Variants in DDAH1 observed in about 807,000 individuals in gnomAD.
The protein encoded by DDAH1 is N(G),N(G)-dimethylarginine dimethylaminohydrolase 1.
In DDAH1, 19 loss-of-function variants were observed where a neutral mutation model predicts 28.8. That is an observed-to-expected ratio of 0.66 (90% CI 0.46 to 0.97). The LOEUF (loss-of-function observed/expected upper bound fraction) is 0.97, where lower values mean the gene tolerates loss of function less well. DDAH1 is among the 50% of genes least tolerant of loss of function. DDAH1 has a pLI of 0.00. For missense variants in DDAH1, 326 were observed against 375.9 expected, an observed-to-expected ratio of 0.87 and a Z score of 1.10; for synonymous variants, 153 against 154.4, an observed-to-expected ratio of 0.99 and a Z score of 0.07.
chr1:85,438,099 C>T (rs1654023758), intron 1 of DDAH1, among the ~76,000 whole-genome samples: 1 of 152,198 alleles, frequency 6.6e-6, no homozygotes, highest in Non-Finnish European at 1.5e-5. Context: ...ATACCAGCAT[C>T]TTCTCACTTA....
At chr1:85,383,816 G>A (rs918965739) in intron 1 of DDAH1, among the ~76,000 whole-genome samples, 2 of 152,158 alleles carry the variant, frequency 1.3e-5, no homozygotes, top group African/African-American at 4.8e-5. Context: ...GTGATTGTCA[G>A]CATTTTTTAG....
intron 1 of DDAH1, among the ~76,000 whole-genome samples, chr1:85,362,105 GAATTAA>G (rs533257776): frequency 1.2e-4 from 18 of 152,120 alleles, no homozygotes; most frequent in African/African-American, 3.9e-4. Flanking sequence ...GCTTTCCTGT[GAATTAA>G]AATTATAGAT....
intron 1 of DDAH1, among the ~76,000 whole-genome samples, chr1:85,395,153 G>C (rs1441036120): frequency 6.6e-6 from 1 of 152,050 alleles, no homozygotes; most frequent in Admixed American, 6.6e-5. Flanking sequence ...AAAGGTTAAA[G>C]GCTTTTCACA....
chr1:85,447,150 T>C (rs1654473332), intron 1 of DDAH1, among the ~76,000 whole-genome samples: 1 of 152,188 alleles, frequency 6.6e-6, no homozygotes, highest in African/African-American at 2.4e-5. Context: ...CCTATTTATA[T>C]GCAAAAATAT....
intron 1 of DDAH1, among the ~76,000 whole-genome samples, chr1:85,549,198 T>C (rs1470709372): frequency 6.6e-6 from 1 of 152,232 alleles, no homozygotes; most frequent in Non-Finnish European, 1.5e-5. Flanking sequence ...TACAGACTGC[T>C]AAGTATTTTT....
intron 1 of DDAH1, among the ~76,000 whole-genome samples, chr1:85,448,925 G>C (rs1428933782): frequency 2.0e-5 from 3 of 152,208 alleles, no homozygotes; most frequent in Non-Finnish European, 4.4e-5. Context: ...CAGAAAAGTA[G>C]CATTTAATTG....
chr1:85,479,615 T>C (rs1655936273), intron 2 of DDAH1, among the ~76,000 whole-genome samples: 5 of 152,264 alleles, frequency 3.3e-5, no homozygotes. Context: ...AATCTGAAAG[T>C]AGAGTGGTTT....
Position 85,397,466 on chromosome 1 carries a change from G to C in DDAH1, c.304-38619C>G, listed in dbSNP as rs543169929. The stretch of plus-strand genomic sequence containing the variant: ...GAAAAACTGATAAGGAAAAAGTAAG[G>C]GTTTTTATTGCTTTTTTATTTAAAA... On this transcript the variant is annotated intron_variant, in intron 1 of 5. Transcript: ENST00000284031. 4.6e-5 allele frequency among the ~76,000 whole-genome samples: 7 copies of C among 152,032 alleles called. No individual in the cohort carries two copies. The South Asian group carries it at 1.5e-3, about 32-fold the overall frequency.
chr1:85,477,562 C>A (rs889525758), intron 2 of DDAH1, among the ~76,000 whole-genome samples: 1 of 152,042 alleles, frequency 6.6e-6, no homozygotes, highest in Non-Finnish European at 1.5e-5. Flanking sequence ...GATTAACTCA[C>A]ACCAAGATTA....
At chr1:85,478,477 T>C (rs1412619179) in intron 2 of DDAH1, among the ~76,000 whole-genome samples, 1 of 152,182 alleles carries the variant, frequency 6.6e-6, no homozygotes, top group Non-Finnish European at 1.5e-5. Context: ...AGTTATATCT[T>C]ACATGATGGC....
intron 1 of DDAH1, among the ~76,000 whole-genome samples, chr1:85,435,892 G>A (rs1653911816): frequency 6.6e-6 from 1 of 152,158 alleles, no homozygotes; most frequent in Non-Finnish European, 1.5e-5. Flanking sequence ...CTGGGTTCAA[G>A]CAATTCTCGT....
intron 4 of DDAH1, among the ~76,000 whole-genome samples, chr1:85,349,788 C>T (rs532843202): frequency 6.6e-6 from 1 of 152,194 alleles, no homozygotes; most frequent in Non-Finnish European, 1.5e-5. Context: ...AAAGGGAAAG[C>T]ACTGCATTGT....
Position 85,321,434 on chromosome 1 carries a change from C to G in DDAH1, c.*18G>C. On this transcript the variant is annotated 3_prime_UTR_variant, in exon 6 of 6. Transcript: ENST00000284031. ...TTGCCTGTGCGGTCTTGCCGGCTAC[C>G]GGGGGGGACTCTGCAGCTCAGGAGT... 1 of 1,570,238 alleles carries G rather than the reference C, an allele frequency of 6.4e-7. No individual in the cohort carries two copies. The highest frequency in any genetic ancestry group is 1.7e-4 in the Middle Eastern group (1 of 5,894).
At chr1:85,576,964 G>GCCGCCACCGCCACCGCCGCCGCCA (rs1553150159) in intron 1 of DDAH1, 1 of 153,662 alleles carries the variant, frequency 6.5e-6, no homozygotes, top group African/African-American at 2.4e-5. Flanking sequence ...AGCCGCCGCC[G>GCCGCCACCGCCACCGCCGCCGCCA]CCGCCACCGC....
Position 85,370,441 on chromosome 1 carries a change from A to G in DDAH1, c.304-11594T>C, listed in dbSNP as rs147464677. Reference sequence around the variant, plus strand: ...AGCTGAACTTGGTAAACTCACATAAAGAATTGGAATTTTAAGTATTATTGG... The same window carrying G: ...AGCTGAACTTGGTAAACTCACATAAGGAATTGGAATTTTAAGTATTATTGG... On this transcript the variant is annotated intron_variant, in intron 1 of 5. Coordinates refer to ENST00000284031, the MANE Select transcript of DDAH1 (RefSeq NM_012137.4). 1.4e-4 allele frequency among the ~76,000 whole-genome samples: 21 copies of G among 152,352 alleles called. No homozygotes were observed. The East Asian group carries it at 4.0e-3, about 29-fold the overall frequency.
chr1:85,523,735 T>G, intron 1 of DDAH1, among the ~76,000 whole-genome samples: 1 of 152,368 alleles, frequency 6.6e-6, no homozygotes, highest in Middle Eastern at 3.4e-3. Flanking sequence ...ATAATAATTT[T>G]ACTCCTCATG....
chr1:85,543,628 C>CAATG (rs1479023131), intron 1 of DDAH1, among the ~76,000 whole-genome samples: 1 of 152,146 alleles, frequency 6.6e-6, no homozygotes, highest in Non-Finnish European at 1.5e-5. Flanking sequence ...TAAAACTGGA[C>CAATG]AATGGCAGGC....
rs547400101 is a variant in DDAH1 at position 85,497,995 on chromosome 1, C to T, written c.-122-1714G>A. ...GCATCTCTCTGGGTGAACTAACCCCCTAGTGTCTTAAAACTTGCCTTCCAG... is the reference window on the plus strand; with the variant it reads ...GCATCTCTCTGGGTGAACTAACCCCTTAGTGTCTTAAAACTTGCCTTCCAG... On this transcript the variant is annotated intron_variant, in intron 1 of 6. Transcript: ENST00000426972. Among the ~76,000 whole-genome samples the T allele has an allele frequency of 5.8e-4, 88 of 152,264 alleles. 1 individual carries two copies. The highest frequency in any genetic ancestry group is 2.0e-3 in the African/African-American group (84 of 41,566).
intron 1 of DDAH1, among the ~76,000 whole-genome samples, chr1:85,501,176 G>C (rs936662263): frequency 2.2e-4 from 34 of 152,248 alleles, no homozygotes; most frequent in Middle Eastern, 3.4e-3. Flanking sequence ...GATTTAAAGA[G>C]TGTTAAGTTT....
Sources: allele counts gnomAD v4.1 joint callset (sites outside exome capture counted in the v4.1 genomes callset), GRCh38; gene constraint gnomAD v4.1.1; transcripts MANE v1.5; gene names NCBI Gene and HGNC (gene_info 2026-07-23, HGNC 2026-07-21).